ZNF654: variants seen among roughly 807,000 people sequenced by gnomAD.
ZNF654 encodes the protein melanoma-associated antigen.
ZNF654 carries 19 observed loss-of-function variants against 95.3 expected under a neutral mutation model. The ratio of observed to expected loss-of-function variants is 0.20; its 90% CI spans 0.14 to 0.29. The LOEUF is 0.29. ZNF654 is among the 10% of genes least tolerant of loss of function. The pLI, the probability that ZNF654 is intolerant of heterozygous loss-of-function variation, is 1.00. For missense variants in ZNF654, 1,046 were observed against 1,341.0 expected (o/e 0.78, Z 3.44); for synonymous variants, 413 against 457.9 (o/e 0.90, Z 1.25).
chr3:88,107,329 G>A (rs971331523), intron 2 of ZNF654, among the ~76,000 whole-genome samples: 36 of 152,150 alleles, frequency 2.4e-4, no homozygotes, highest in Non-Finnish European at 2.5e-4. Flanking sequence ...GTCAAAATTC[G>A]TTAGCCTATA....
chr3:88,141,232 T>C (rs1339100175), intron 8 of ZNF654, among the ~76,000 whole-genome samples, 184 bp downstream of exon 8: 1 of 152,156 alleles, frequency 6.6e-6, no homozygotes, highest in Non-Finnish European at 1.5e-5. Flanking sequence ...TATTCCTGTT[T>C]TATAGATCAA....
intron 7 of ZNF654, among the ~76,000 whole-genome samples, chr3:88,136,870 A>G (rs553804661): frequency 1.6e-4 from 25 of 152,250 alleles, no homozygotes; most frequent in Middle Eastern, 6.8e-3. Context: ...AAACTTGAGC[A>G]TCTGTATACA....
chr3:88,077,499 ATTTTTTGTGATT>A (rs1707875420), intron 1 of ZNF654, among the ~76,000 whole-genome samples: 1 of 54,584 alleles, frequency 1.8e-5, no homozygotes, highest in African/African-American at 4.0e-5. Flanking sequence ...CGCCCGGCTA[ATTTTTTGTGATT>A]TTTTTAGTAG....
chr3:88,104,644 T>C (rs1249045566), intron 2 of ZNF654, among the ~76,000 whole-genome samples: 2 of 152,216 alleles, frequency 1.3e-5, no homozygotes, highest in East Asian at 3.8e-4. Context: ...TTAGGCGGGA[T>C]TTTTAAAGAT....
At chr3:88,082,651 G>A (rs983715727) in intron 1 of ZNF654, among the ~76,000 whole-genome samples, 15 of 152,128 alleles carry the variant, frequency 9.9e-5, no homozygotes, top group Admixed American at 1.3e-4. Context: ...GTTAATAGGG[G>A]TTTAGATATG....
Position 88,140,282 on chromosome 3 carries a change from T to C in ZNF654, c.2613T>C (p.Ser871=), listed in dbSNP as rs1707040039. The change falls in exon 8 of 9, where the codon AGT becomes AGC. Residue 871 remains serine (S), a synonymous_variant. Coordinates refer to ENST00000636215, the MANE Select transcript of ZNF654 (RefSeq NM_001350134.2). ...AACATGAAGCTCAACACTATTTAAG[T>C]AAAACACCAGAGTCATCTGCACAAC... ...LYEHEAQHYL[S]KTPESSAQPS... 6.2e-7 allele frequency: 1 copy of C among 1,613,718 alleles called. No individual in the cohort carries two copies. The highest frequency in any genetic ancestry group is 1.3e-5 in the African/African-American group (1 of 74,996).
chr3:88,083,380 T>C (rs1270807343), intron 1 of ZNF654, among the ~76,000 whole-genome samples: 1 of 152,242 alleles, frequency 6.6e-6, no homozygotes, highest in Non-Finnish European at 1.5e-5. Context: ...AATTAAGATA[T>C]GACATTTTAT....
At chr3:88,064,550 T>C (rs1576181466) in intron 1 of ZNF654, among the ~76,000 whole-genome samples, 1 of 152,176 alleles carries the variant, frequency 6.6e-6, no homozygotes, top group African/African-American at 2.4e-5. Context: ...ATGTGGTACC[T>C]CAAATTCCTG....
chr3:88,106,761 T>G (rs1704765116), intron 2 of ZNF654, among the ~76,000 whole-genome samples: 1 of 152,218 alleles, frequency 6.6e-6, no homozygotes, highest in African/African-American at 2.4e-5. Context: ...TGCTTCTGAG[T>G]TTCTTATCAT....
rs199833348 is a variant in ZNF654 at position 88,134,383 on chromosome 3, G to A, written c.894-678G>A. Among the ~76,000 whole-genome samples the A allele has an allele frequency of 3.3e-5, 5 of 152,022 alleles. No homozygotes were observed. The East Asian group carries it at 9.7e-4, about 29-fold the overall frequency. On this transcript the variant is annotated intron_variant, in intron 6 of 8. Transcript: ENST00000636215. ...GATGCTTTGTACACTTTTATGACAT[G>A]TTTTAAAGAATTCTAATTTGCTAAA...
intron 3 of ZNF654, among the ~76,000 whole-genome samples, chr3:88,114,820 A>G (rs1705293064): frequency 1.3e-5 from 2 of 152,178 alleles, no homozygotes; most frequent in African/African-American, 4.8e-5. Flanking sequence ...TCCATCATGT[A>G]TACCTCCCTA....
At chr3:88,136,945 A>G (rs1576351808) in intron 7 of ZNF654, among the ~76,000 whole-genome samples, 1 of 152,278 alleles carries the variant, frequency 6.6e-6, no homozygotes, top group East Asian at 1.9e-4. Context: ...CAGTAATCCC[A>G]GTACTTTGGG....
chr3:88,081,554 G>A (rs188120818), intron 1 of ZNF654, among the ~76,000 whole-genome samples: 388 of 152,198 alleles, frequency 2.5e-3, no homozygotes, highest in African/African-American at 9.1e-3. Context: ...TTAATTATTT[G>A]TATCAGTATG....
chr3:88,073,305 CAAAAA>C (rs1000458099), intron 1 of ZNF654, among the ~76,000 whole-genome samples: 2 of 151,770 alleles, frequency 1.3e-5, no homozygotes, highest in Admixed American at 6.6e-5. Context: ...AACATAAACT[CAAAAA>C]AGAATTGGTA....
intron 1 of ZNF654, among the ~76,000 whole-genome samples, chr3:88,070,826 A>C (rs1192656120): frequency 6.6e-6 from 1 of 152,202 alleles, no homozygotes; most frequent in Non-Finnish European, 1.5e-5. Context: ...GCTGAGACTC[A>C]GAGAGATTAA....
chr3:88,135,152 G>A lies in ZNF654; in HGVS notation c.985G>A (p.Ala329Thr). 1.3e-6 allele frequency: 2 copies of A among 1,488,606 alleles called. No individual in the cohort carries two copies. The highest frequency in any genetic ancestry group is 1.7e-4 in the Middle Eastern group (1 of 5,866). 92.2% of individuals were successfully genotyped at this position (1,488,606 alleles called of 1,614,324 possible). A position where few individuals can be genotyped will look rare whatever the true frequency, so the allele number is the denominator to read the frequency against. Residue 329 changes from alanine to threonine, a missense_variant, in exon 7 of 9, where the codon GCA (alanine) becomes ACA (threonine). Transcript: ENST00000636215. The part of the protein sequence containing the change: ...VDQCYQLLRT[A>T]TNVRVIFPFM... ...TCAATGCTACCAGCTTTTAAGAACA[G>A]CAACTAATGTGAGAGTCATATTTCC...
At chr3:88,094,129 G>A (rs1272136298) in intron 2 of ZNF654, among the ~76,000 whole-genome samples, 2 of 149,198 alleles carry the variant, frequency 1.3e-5, no homozygotes, top group East Asian at 3.9e-4. Flanking sequence ...GGCAGTTGGT[G>A]GTCTTAATTC....
At chr3:88,081,497 T>G (rs914804457) in intron 1 of ZNF654, among the ~76,000 whole-genome samples, 2 of 152,222 alleles carry the variant, frequency 1.3e-5, no homozygotes, top group African/African-American at 4.8e-5. Context: ...GTTTGTCTTT[T>G]TCCTTCTTTC....
Position 88,129,612 on chromosome 3 carries a change from T to C in ZNF654, c.754-75T>C, listed in dbSNP as rs1465974771. Reference sequence around the variant, plus strand: ...AGAAATCTAAGCAATTTCTCTTGAATGTTTAAACATTTATTGCAACTAGCT... The same window carrying C: ...AGAAATCTAAGCAATTTCTCTTGAACGTTTAAACATTTATTGCAACTAGCT... On this transcript the variant is annotated intron_variant, in intron 5 of 8. Transcript: ENST00000636215. 7.9e-6 allele frequency: 9 copies of C among 1,143,138 alleles called. No homozygotes were observed. In the South Asian group the frequency reaches 1.9e-4, roughly 24 times the overall value. 70.8% of individuals were successfully genotyped at this position (1,143,138 alleles called of 1,614,324 possible).
Sources: allele counts gnomAD v4.1 joint callset (sites outside exome capture counted in the v4.1 genomes callset), GRCh38; gene constraint gnomAD v4.1.1; transcripts MANE v1.5; gene names NCBI Gene and HGNC (gene_info 2026-07-23, HGNC 2026-07-21).